Variants in KHDRBS1 observed in about 807,000 individuals in gnomAD.
The protein encoded by KHDRBS1 is KH domain-containing, RNA-binding, signal transduction-associated protein 1.
In KHDRBS1, 7 loss-of-function variants were observed where a neutral mutation model predicts 48.4. The ratio of observed to expected loss-of-function variants is 0.14; its 90% CI spans 0.08 to 0.27. The LOEUF is 0.27. Ranked by LOEUF, KHDRBS1 falls within the 10% of genes least tolerant of loss-of-function variation. The pLI is 1.00. For missense variants in KHDRBS1, 458 were observed against 601.2 expected (o/e 0.76, Z 2.49); for synonymous variants, 241 against 235.8 (o/e 1.02, Z -0.20).
rs758491066 is a variant in KHDRBS1, at chr1:32,033,276, G to A, written c.713G>A (p.Cys238Tyr). ...HVFIEVFGPP[C>Y]EAYALMAHAM... ...TTCATTGAAGTCTTTGGACCCCCAT[G>A]TGAGGCTTATGCTCTTATGGCCCAT... is the stretch of plus-strand genomic sequence containing the variant. Residue 238 changes from cysteine (C) to tyrosine (Y), a missense_variant, in exon 4 of 9, where the codon TGT becomes TAT. Around this residue, in one of 3 missense-constraint regions of KHDRBS1, gnomAD observed 74 missense variants for 156.9 expected, o/e 0.47. Coordinates refer to ENST00000327300, the MANE Select transcript of KHDRBS1 (RefSeq NM_006559.3). 1 of 1,614,214 alleles carries A rather than the reference G, an allele frequency of 6.2e-7. No homozygotes were observed.
downstream of KHDRBS1, among the ~76,000 whole-genome samples, chr1:32,046,877 G>T (rs924203120): frequency 1.3e-5 from 2 of 152,216 alleles, no homozygotes; most frequent in Non-Finnish European, 2.9e-5. Context: ...TGGGCACCTG[G>T]CAAGTCCTAC....
intron 1 of KHDRBS1, among the ~76,000 whole-genome samples, chr1:32,019,811 G>A (rs969562016): frequency 3.9e-5 from 6 of 151,970 alleles, no homozygotes; most frequent in East Asian, 1.9e-4. Flanking sequence ...TCGCTCTGTC[G>A]CTCACGCTGG....
At chr1:32,059,165 GA>G (rs1163066227) in intron 10 of KHDRBS1, among the ~76,000 whole-genome samples, 169 of 45,988 alleles carry the variant, frequency 3.7e-3, no homozygotes, top group South Asian at 0.013. Flanking sequence ...TGTCTCAGGA[GA>G]AAAAAAAAAA....
chr1:32,040,142 G>T (rs1197713537), intron 8 of KHDRBS1, among the ~76,000 whole-genome samples: 2 of 152,270 alleles, frequency 1.3e-5, no homozygotes, highest in Admixed American at 1.3e-4. Context: ...GGCCGGGCGT[G>T]GTGGCTCATG....
At chr1:32,026,605 C>T (rs1211950739) in intron 1 of KHDRBS1, among the ~76,000 whole-genome samples, 5 of 152,148 alleles carry the variant, frequency 3.3e-5, no homozygotes, top group Non-Finnish European at 5.9e-5. Flanking sequence ...GCCTTAAATT[C>T]ACAGAGTGCA....
intron 5 of KHDRBS1, 69 bp downstream of exon 5, chr1:32,037,112 G>A (rs1639198864): frequency 4.6e-6 from 7 of 1,527,004 alleles, no homozygotes; most frequent in South Asian, 3.6e-5. Context: ...TTTTAGTGGT[G>A]CTCTTATGTC....
chr1:32,037,884 G>A lies in KHDRBS1; in HGVS notation c.955G>A (p.Val319Ile), dbSNP rs553328120. 3 of 1,614,244 alleles carry A rather than the reference G, an allele frequency of 1.9e-6. No individual in the cohort carries two copies. Among genetic ancestry groups the A allele is most frequent in the Non-Finnish European group, 2.5e-6 (3 of 1,180,040 alleles). ...GGGGGCTTTGGTACGTGGTACACCA[G>A]TAAGGGGAGCCATCACCAGAGGTGC... is the stretch of plus-strand genomic sequence containing the variant. ...PRGALVRGTPVRGAITRGATV... is the reference protein window; with the variant it reads ...PRGALVRGTPIRGAITRGATV... The change falls in exon 6 of 9, where the codon GTA becomes ATA. Residue 319 changes from valine to isoleucine, a missense_variant. This residue lies in a region of KHDRBS1 where 171 missense variants were observed against 228.7 expected (regional missense o/e 0.75). Coordinates refer to ENST00000327300, the MANE Select transcript of KHDRBS1 (RefSeq NM_006559.3).
intron 8 of KHDRBS1, 92 bp downstream of exon 8, chr1:32,039,665 C>T: frequency 1.3e-6 from 1 of 771,320 alleles, no homozygotes. Context: ...GACAAACACA[C>T]CTACGGATAA....
At chr1:32,031,075 C>T (rs571707853) in intron 2 of KHDRBS1, among the ~76,000 whole-genome samples, 1 of 152,042 alleles carries the variant, frequency 6.6e-6, no homozygotes, top group East Asian at 1.9e-4. Flanking sequence ...ATAGCGAAAC[C>T]CCATCTCTAC....
At chr1:32,053,244 G>A (rs1639444419) in intron 10 of KHDRBS1, among the ~76,000 whole-genome samples, 1 of 152,184 alleles carries the variant, frequency 6.6e-6, no homozygotes, top group African/African-American at 2.4e-5. Flanking sequence ...AGGGAGCCTG[G>A]AGGAGCTGCC....
chr1:32,037,053 A>T lies in KHDRBS1; in HGVS notation c.905+10A>T. On this transcript the variant is annotated intron_variant, in intron 5 of 8. Coordinates refer to ENST00000327300, the MANE Select transcript of KHDRBS1 (RefSeq NM_006559.3). ...CACCACCTGTTCCCAGGTAAAAATA[A>T]TGGAGACACCCAGAAATAGGATGTG... 6.2e-7 allele frequency: 1 copy of T among 1,612,500 alleles called. No individual in the cohort carries two copies. Among genetic ancestry groups the T allele is most frequent in the Non-Finnish European group, 8.5e-7 (1 of 1,179,330 alleles).
chr1:32,020,999 T>G (rs1290815091), intron 1 of KHDRBS1, among the ~76,000 whole-genome samples: 1 of 152,206 alleles, frequency 6.6e-6, no homozygotes, highest in East Asian at 1.9e-4. Flanking sequence ...ACAAATTTTC[T>G]TATTTTAATG....
chr1:32,047,801 C>T (rs1219305089), downstream of KHDRBS1, among the ~76,000 whole-genome samples: 3 of 152,034 alleles, frequency 2.0e-5, no homozygotes, highest in Non-Finnish European at 4.4e-5. Flanking sequence ...TATTTAATTC[C>T]AGAATATTTC....
chr1:32,024,904 GC>G (rs1638933060), intron 1 of KHDRBS1, among the ~76,000 whole-genome samples: 8 of 150,440 alleles, frequency 5.3e-5, no homozygotes, highest in Admixed American at 4.6e-4. Flanking sequence ...GTTCGAGGCT[GC>G]AGTGAACTAT....
intron 1 of KHDRBS1, among the ~76,000 whole-genome samples, chr1:32,020,267 C>T (rs1053881384): frequency 6.7e-6 from 1 of 150,312 alleles, no homozygotes; most frequent in African/African-American, 2.4e-5. Flanking sequence ...CCCATAGTCC[C>T]AACTACCCGG....
chr1:32,021,976 A>G (rs1212870666), intron 1 of KHDRBS1, among the ~76,000 whole-genome samples: 1 of 136,066 alleles, frequency 7.3e-6, no homozygotes, highest in Non-Finnish European at 1.6e-5. Context: ...TTTTTTTTTT[A>G]AGGAGATGGA....
At chr1:32,014,446 C>G (rs968333585) in intron 1 of KHDRBS1, 69 bp downstream of exon 1, 90 of 1,254,802 alleles carry the variant, frequency 7.2e-5, no homozygotes, top group Non-Finnish European at 8.9e-5. Flanking sequence ...TGGCTTTGTT[C>G]CTCTCGCTTC....
At chr1:32,021,678 G>A (rs1005846561) in intron 1 of KHDRBS1, among the ~76,000 whole-genome samples, 1 of 151,906 alleles carries the variant, frequency 6.6e-6, no homozygotes, top group African/African-American at 2.4e-5. Flanking sequence ...GTGCAGTAAC[G>A]CAATCTTGGC....
chr1:32,025,264 C>CAA (rs780420929), intron 1 of KHDRBS1, among the ~76,000 whole-genome samples: 1 of 56,288 alleles, frequency 1.8e-5, no homozygotes. Flanking sequence ...GACCCTATCT[C>CAA]AAAAAAAAAA....
Sources: gnomAD v4.1 joint callset for allele counts (sites outside exome capture counted in the v4.1 genomes callset) on GRCh38, gnomAD v4.1.1 for gene constraint, gnomAD v4.1.1 regional missense constraint, MANE v1.5 for transcripts, NCBI Gene and HGNC (gene_info 2026-07-23, HGNC 2026-07-21) for gene names.